Variants in MCFD2 observed in about 807,000 individuals in gnomAD.
MCFD2 encodes the protein multiple coagulation factor deficiency 2, ER cargo receptor complex subunit.
A neutral mutation model predicts 12.8 loss-of-function variants in MCFD2; 11 were observed. The ratio of observed to expected loss-of-function variants is 0.86; its 90% CI spans 0.54 to 1.42. The LOEUF is 1.42. Ranked by LOEUF, MCFD2 falls within the 40% of genes most tolerant of loss-of-function variation. The probability of loss-of-function intolerance (pLI) is 0.00; values close to 1 mark genes in which losing one functional copy is unlikely to be tolerated. For missense variants in MCFD2, 191 were observed against 178.6 expected (o/e 1.07, Z -0.40); for synonymous variants, 70 against 68.1 (o/e 1.03, Z -0.14).
intron 1 of MCFD2, among the ~76,000 whole-genome samples, chr2:46,914,464 A>T (rs1316034343): frequency 6.6e-6 from 1 of 152,214 alleles, no homozygotes; most frequent in Non-Finnish European, 1.5e-5. Context: ...CAACTTCCTA[A>T]GCTAAAGAAA....
At chr2:46,934,029 G>T (rs1669843358) in intron 1 of MCFD2, among the ~76,000 whole-genome samples, 1 of 152,140 alleles carries the variant, frequency 6.6e-6, no homozygotes, top group African/African-American at 2.4e-5. Flanking sequence ...CAGCCATTGT[G>T]ACAACTAGTA....
chr2:46,919,854 A>G (rs1403480389), upstream of MCFD2, among the ~76,000 whole-genome samples: 2 of 152,250 alleles, frequency 1.3e-5, no homozygotes, highest in East Asian at 1.9e-4. Flanking sequence ...GTCTTGCTCT[A>G]TCACCCTTGC....
upstream of MCFD2, among the ~76,000 whole-genome samples, chr2:46,919,452 G>A (rs904531482): frequency 6.6e-6 from 1 of 152,242 alleles, no homozygotes; most frequent in Non-Finnish European, 1.5e-5. Flanking sequence ...AGAATTGCTT[G>A]AACCCGGGCA....
upstream of MCFD2, chr2:46,916,044 G>T: frequency 1.0e-6 from 1 of 985,438 alleles, no homozygotes; most frequent in Non-Finnish European, 1.2e-6. Context: ...CTAGGGGCCC[G>T]GCAGTTGCTA....
At chr2:46,911,716 T>C (rs1391861802) in intron 1 of MCFD2, among the ~76,000 whole-genome samples, 1 of 149,968 alleles carries the variant, frequency 6.7e-6, no homozygotes, top group Non-Finnish European at 1.5e-5. Flanking sequence ...GGTCAGGAGA[T>C]CGAGACCACC....
At position 46,905,346 on chromosome 2, in the gene MCFD2, G is replaced by T; in HGVS notation, c.*117C>A. ...ACCCCAGTGTAACGAATCGCTACAG[G>T]TTTTTACCAAAATGCTGCAGCAGTA... On this transcript the variant is annotated 3_prime_UTR_variant, in exon 4 of 4. Coordinates refer to ENST00000319466, the MANE Select transcript of MCFD2 (RefSeq NM_139279.6). The T allele has an allele frequency of 8.4e-7, 1 of 1,194,486 alleles. No individual in the cohort carries two copies. Among genetic ancestry groups the T allele is most frequent in the Non-Finnish European group, 1.2e-6 (1 of 803,990 alleles). 74.0% of individuals were successfully genotyped at this position (1,194,486 alleles called of 1,614,324 possible).
chr2:46,908,908 G>T lies in MCFD2; in HGVS notation c.149+115C>A. On this transcript the variant is annotated intron_variant, in intron 2 of 3. Coordinates refer to ENST00000319466, the MANE Select transcript of MCFD2 (RefSeq NM_139279.6). This position sits in a 1 kb window ranked among gnomAD's most constrained non-coding sequence, Gnocchi z 4.5. Reference sequence around the variant, plus strand: ...GGAATAAGAATCATCCTTGAAGAATGTCAAGGAGCCATAGAAACAGGAAGA... The same window carrying T: ...GGAATAAGAATCATCCTTGAAGAATTTCAAGGAGCCATAGAAACAGGAAGA... 6 of 1,312,698 alleles carry T rather than the reference G, an allele frequency of 4.6e-6. No homozygotes were observed. The highest frequency in any genetic ancestry group is 6.6e-6 in the Non-Finnish European group (6 of 907,626). The allele number at this position is 1,312,698 out of a possible 1,614,324, so 81.3% of individuals were successfully genotyped here.
At chr2:46,926,392 A>G (rs906440436) in intron 1 of MCFD2, among the ~76,000 whole-genome samples, 6 of 152,192 alleles carry the variant, frequency 3.9e-5, no homozygotes, top group African/African-American at 1.4e-4. Flanking sequence ...ATAATATGGT[A>G]AATGGTAAAT....
At position 46,908,225 on chromosome 2, in the gene MCFD2, C is replaced by A; in HGVS notation, c.150-256G>T. 3.8e-6 allele frequency: 2 copies of A among 519,952 alleles called. No individual in the cohort carries two copies. The highest frequency in any genetic ancestry group is 3.2e-5 in the Admixed American group (1 of 31,062). The allele number at this position is 519,952 out of a possible 1,614,324, so 32.2% of individuals were successfully genotyped here. Reference sequence around the variant, plus strand: ...CTTTATTATTAGAATTTTGTTATAACATTTTCAGGCCATCAATTTAAAAAT... The same window carrying A: ...CTTTATTATTAGAATTTTGTTATAAAATTTTCAGGCCATCAATTTAAAAAT... On this transcript the variant is annotated intron_variant, in intron 2 of 3. Coordinates refer to ENST00000319466, the MANE Select transcript of MCFD2 (RefSeq NM_139279.6). This position sits in a 1 kb window ranked among gnomAD's most constrained non-coding sequence, Gnocchi z 4.5.
chr2:46,927,339 T>TA (rs1439632203), intron 1 of MCFD2, among the ~76,000 whole-genome samples: 1 of 148,174 alleles, frequency 6.7e-6, no homozygotes, highest in Admixed American at 6.8e-5. Flanking sequence ...ATATTAAAGA[T>TA]AGAGGAGAAA....
intron 1 of MCFD2, among the ~76,000 whole-genome samples, chr2:46,910,554 G>A (rs887208963): frequency 2.0e-5 from 3 of 152,184 alleles, no homozygotes; most frequent in African/African-American, 4.8e-5. Flanking sequence ...CTGTCTTTGT[G>A]CCTGGGGCTG....
chr2:46,941,797 C>T lies in MCFD2; in HGVS notation c.-233G>A, dbSNP rs577669503. 1 of 1,533,794 alleles carries T rather than the reference C, an allele frequency of 6.5e-7. No individual in the cohort carries two copies. Among genetic ancestry groups the T allele is most frequent in the Admixed American group, 2.0e-5 (1 of 50,562 alleles). ...GCACCGCCTCCTCCAGGAAGCGCGC[C>T]CAGACAGTCCTCGGCCGACAGCGGG... On this transcript the variant is annotated 5_prime_UTR_variant, in exon 1 of 3. Transcript: ENST00000409147. This position sits in a 1 kb window ranked among gnomAD's most constrained non-coding sequence, Gnocchi z 4.2.
intron 1 of MCFD2, chr2:46,913,620 G>C (rs56016817): frequency 3.3e-5 from 5 of 152,292 alleles, no homozygotes; most frequent in Non-Finnish European, 7.3e-5. Flanking sequence ...GCCTTCTTTA[G>C]GAAATTATAA....
At chr2:46,922,757 A>C (rs967817895) in intron 1 of MCFD2, among the ~76,000 whole-genome samples, 1 of 152,160 alleles carries the variant, frequency 6.6e-6, no homozygotes, top group Non-Finnish European at 1.5e-5. Context: ...CTCTTCCCAC[A>C]CTGGAGGAAG....
chr2:46,921,626 C>CA (rs2103804471), intron 1 of MCFD2, among the ~76,000 whole-genome samples: 1 of 152,134 alleles, frequency 6.6e-6, no homozygotes, highest in African/African-American at 2.4e-5. Context: ...ACTCTATCAA[C>CA]AAAAAAAGGA....
intron 3 of MCFD2, 46 bp from the exon 4 acceptor site, chr2:46,905,640 A>AAG (rs1668191051): frequency 6.3e-7 from 1 of 1,596,268 alleles, no homozygotes; most frequent in African/African-American, 1.3e-5. Flanking sequence ...ATTTTACCGG[A>AAG]AGAAGTGCTT....
Position 46,941,388 on chromosome 2 carries a change from A to ACCCTCCGCCGCCCGGGCC in MCFD2, c.-8+166_-8+183dup, listed in dbSNP as rs1670354764. ...GGTGCTGCTGCTGCTGCTGCTGCCC[A>ACCCTCCGCCGCCCGGGCC]CCCTCCGCCGCCCGGGCCCCCGCTG... On this transcript the variant is annotated intron_variant, in intron 1 of 2. Transcript: ENST00000409147. The surrounding 1 kb of genome is among the most constrained non-coding windows in gnomAD (Gnocchi z 4.2). 1.0e-5 allele frequency: 6 copies of ACCCTCCGCCGCCCGGGCC among 575,458 alleles called. No homozygotes were observed. The highest frequency in any genetic ancestry group is 4.0e-5 in the African/African-American group (2 of 49,774). 35.6% of individuals were successfully genotyped at this position (575,458 alleles called of 1,614,324 possible). A position where few individuals can be genotyped will look rare whatever the true frequency, so the allele number is the denominator to read the frequency against.
intron 1 of MCFD2, among the ~76,000 whole-genome samples, chr2:46,914,328 A>G (rs1283921344): frequency 6.6e-6 from 1 of 152,138 alleles, no homozygotes; most frequent in African/African-American, 2.4e-5. Context: ...TAAGAATTCA[A>G]ACCCAAAGCA....
upstream of MCFD2, chr2:46,917,422 C>G: frequency 1.8e-6 from 1 of 564,702 alleles, no homozygotes; most frequent in Non-Finnish European, 3.1e-6. Context: ...TCATCCATCT[C>G]TTCATCCATT....
Sources: allele counts gnomAD v4.1 joint callset (sites outside exome capture counted in the v4.1 genomes callset), GRCh38; gene constraint gnomAD v4.1.1; non-coding constraint Gnocchi (gnomAD v3.1); transcripts MANE v1.5; gene names NCBI Gene and HGNC (gene_info 2026-07-23, HGNC 2026-07-21).